The following SERPINE3 variants were observed in gnomAD, a reference collection of about 807,000 sequenced individuals.
SERPINE3 encodes the protein serpin family E member 3, also known as serpin E3.
A neutral mutation model predicts 41.7 loss-of-function variants in SERPINE3; 43 were observed. That is an observed-to-expected ratio of 1.03 (90% CI 0.81 to 1.33). SERPINE3 has a LOEUF of 1.33. Ranked by LOEUF, SERPINE3 falls within the 40% of genes most tolerant of loss-of-function variation. The probability of loss-of-function intolerance (pLI) is 0.00; values close to 1 mark genes in which losing one functional copy is unlikely to be tolerated. For synonymous variants in SERPINE3, 200 were observed against 192.2 expected (o/e 1.04, Z -0.34); for missense variants, 440 against 491.7 (o/e 0.89, Z 0.99).
intron 4 of SERPINE3, among the ~76,000 whole-genome samples, chr13:51,345,563 C>CAGTCA (rs200118624): frequency 0.012 from 1,632 of 141,618 alleles, 23 homozygotes; most frequent in East Asian, 0.071. Flanking sequence ...TCACTGCACT[C>CAGTCA]CAGCTTGGGC....
intron 6 of SERPINE3, among the ~76,000 whole-genome samples, chr13:51,351,475 T>C (rs965439623): frequency 1.3e-5 from 2 of 152,158 alleles, no homozygotes; most frequent in Non-Finnish European, 2.9e-5. Context: ...GTTTTTCCCA[T>C]ATTTAAATTG....
chr13:51,342,474 G>T (rs1955303408), intron 3 of SERPINE3, among the ~76,000 whole-genome samples: 1 of 152,198 alleles, frequency 6.6e-6, no homozygotes, highest in African/African-American at 2.4e-5. Flanking sequence ...CAATGTCTAT[G>T]AACACAGTCA....
chr13:51,362,800 G>C (rs532347481), intron 9 of SERPINE3: 3 of 152,516 alleles, frequency 2.0e-5, no homozygotes, highest in African/African-American at 7.2e-5. Context: ...TTTGCATCCT[G>C]CTGTACCTTG....
intron 7 of SERPINE3, among the ~76,000 whole-genome samples, chr13:51,355,365 G>A (rs906542686): frequency 6.6e-6 from 1 of 152,090 alleles, no homozygotes; most frequent in Non-Finnish European, 1.5e-5. Context: ...TTTCAGAGAC[G>A]ACCTTCACCA....
chr13:51,358,946 C>T (rs1281584629), intron 7 of SERPINE3, among the ~76,000 whole-genome samples: 1 of 152,032 alleles, frequency 6.6e-6, no homozygotes. Context: ...TGGTTAAACG[C>T]TATGTATTAT....
chr13:51,341,174 T>G lies in SERPINE3; in HGVS notation c.83T>G (p.Leu28Trp). 1 of 1,614,050 alleles carries G rather than the reference T, an allele frequency of 6.2e-7. No homozygotes were observed. The highest frequency in any genetic ancestry group is 8.5e-7 in the Non-Finnish European group (1 of 1,179,888). The part of the protein sequence containing the change: ...ANGHLREGMT[L>W]LKTEFALHLY... ...GGCCACCTCCGTGAAGGAATGACAT[T>G]GCTGAAGACTGAGTTTGCACTTCAC... Residue 28 changes from leucine (L) to tryptophan (W), a missense_variant, in exon 3 of 10, where the codon TTG becomes TGG. Coordinates refer to ENST00000681248, the MANE Select transcript of SERPINE3 (RefSeq NM_001386375.1).
chr13:51,351,612 A>T (rs372342246), intron 6 of SERPINE3, among the ~76,000 whole-genome samples: 35 of 152,186 alleles, frequency 2.3e-4, no homozygotes, highest in African/African-American at 8.2e-4. Context: ...GTGTCCTTTG[A>T]AGCACAAAAG....
At chr13:51,359,552 C>A (rs796134058) in intron 7 of SERPINE3, among the ~76,000 whole-genome samples, 8 of 152,196 alleles carry the variant, frequency 5.3e-5, no homozygotes, top group African/African-American at 1.7e-4. Context: ...CTGAAATAGC[C>A]TGGCCCATCT....
chr13:51,352,826 T>C (rs529095514), intron 6 of SERPINE3, among the ~76,000 whole-genome samples: 32 of 152,346 alleles, frequency 2.1e-4, no homozygotes, highest in South Asian at 1.0e-3. Context: ...TGTTGGACTT[T>C]GTCAAATGCT....
At chr13:51,346,779 A>T (rs1440786825) in intron 4 of SERPINE3, among the ~76,000 whole-genome samples, 1 of 152,236 alleles carries the variant, frequency 6.6e-6, no homozygotes, top group Non-Finnish European at 1.5e-5. Context: ...ATCGCTCAAC[A>T]GTCCCCAAAA....
At chr13:51,347,349 C>A in intron 5 of SERPINE3, 115 bp downstream of exon 5, 1 of 881,054 alleles carries the variant, frequency 1.1e-6, no homozygotes, top group Middle Eastern at 2.4e-4. Context: ...CCGCAGGGTC[C>A]ATCTGCTGGA....
intron 7 of SERPINE3, among the ~76,000 whole-genome samples, chr13:51,357,587 C>T (rs1025483839): frequency 6.6e-5 from 10 of 152,248 alleles, no homozygotes; most frequent in African/African-American, 2.2e-4. Flanking sequence ...TCTCTTCCTT[C>T]TTGGCATCAA....
intron 7 of SERPINE3, among the ~76,000 whole-genome samples, chr13:51,357,674 C>A (rs12428053): frequency 8.6e-5 from 13 of 151,932 alleles, no homozygotes; most frequent in Non-Finnish European, 1.9e-4. Context: ...AGTTCCCCCC[C>A]AGTCTCCTTG....
intron 4 of SERPINE3, 74 bp downstream of exon 4, chr13:51,344,559 C>T: frequency 8.0e-7 from 1 of 1,249,386 alleles, no homozygotes; most frequent in Non-Finnish European, 1.1e-6. Flanking sequence ...CATCACTTGT[C>T]AGAGGCCATG....
At chr13:51,363,524 A>C (rs1378139703) in intron 9 of SERPINE3, 7 of 151,868 alleles carry the variant, frequency 4.6e-5, no homozygotes, top group Admixed American at 4.6e-4. Context: ...AGATTTGAAA[A>C]CCTCAAGATT....
At chr13:51,355,927 C>T (rs138273112) in intron 7 of SERPINE3, among the ~76,000 whole-genome samples, 17 of 152,218 alleles carry the variant, frequency 1.1e-4, no homozygotes, top group Non-Finnish European at 2.4e-4. Flanking sequence ...ATTTCCCTTA[C>T]CTGAAGGGCT....
chr13:51,353,833 T>A (rs1362400816), intron 6 of SERPINE3, among the ~76,000 whole-genome samples: 3 of 152,238 alleles, frequency 2.0e-5, no homozygotes, highest in East Asian at 3.8e-4. Context: ...CTGCAAGTTC[T>A]GTATTATTTA....
intron 7 of SERPINE3, among the ~76,000 whole-genome samples, chr13:51,356,443 C>A (rs554381623): frequency 3.9e-5 from 6 of 152,300 alleles, no homozygotes; most frequent in Non-Finnish European, 8.8e-5. Context: ...CTTCTTGCAA[C>A]TCCAGAGCTC....
chr13:51,361,480 G>A (rs996796850), intron 8 of SERPINE3, 116 bp downstream of exon 8: 9 of 714,170 alleles, frequency 1.3e-5, no homozygotes, highest in Non-Finnish European at 1.9e-5. Context: ...CAGGTGTGGT[G>A]TAGTATTTTT....
Sources: allele counts gnomAD v4.1 joint callset (sites outside exome capture counted in the v4.1 genomes callset), GRCh38; gene constraint gnomAD v4.1.1; transcripts MANE v1.5; gene names NCBI Gene and HGNC (gene_info 2026-07-23, HGNC 2026-07-21).